FHIT: variants seen among roughly 807,000 people sequenced by gnomAD.
The protein encoded by FHIT is fragile histidine triad diadenosine triphosphatase, also known as bis(5'-adenosyl)-triphosphatase.
A neutral mutation model predicts 17.9 loss-of-function variants in FHIT; 19 were observed. The ratio of observed to expected loss-of-function variants is 1.06; its 90% CI spans 0.74 to 1.56. FHIT has a LOEUF of 1.56. FHIT is among the 40% of genes most tolerant of loss of function. The pLI, the probability that FHIT is intolerant of heterozygous loss-of-function variation, is 0.00. For missense variants in FHIT, 248 were observed against 189.2 expected (o/e 1.31, Z -1.82); for synonymous variants, 81 against 69.7 (o/e 1.16, Z -0.81).
intron 4 of FHIT, among the ~76,000 whole-genome samples, chr3:60,700,361 A>G (rs139041475): frequency 6.6e-6 from 1 of 152,290 alleles, no homozygotes; most frequent in East Asian, 1.9e-4. Flanking sequence ...CAACGGTCTC[A>G]TATCGTTCCA....
At chr3:60,384,384 G>A (rs1700924799) in intron 5 of FHIT, among the ~76,000 whole-genome samples, 1 of 152,052 alleles carries the variant, frequency 6.6e-6, no homozygotes, top group Non-Finnish European at 1.5e-5. Flanking sequence ...AGAATTAAGT[G>A]GCAGCCTAAT....
rs542188111 is a variant in FHIT at position 61,044,463 on chromosome 3, C to A, written c.-163-2364G>T. 2.7e-4 allele frequency among the ~76,000 whole-genome samples: 41 copies of A among 152,226 alleles called. 1 individual carries two copies. The highest frequency in any genetic ancestry group is 8.5e-4 in the Admixed American group (13 of 15,280). The stretch of plus-strand genomic sequence containing the variant: ...GAGTAAAAAGAGATGAACAAAGCCT[C>A]CAAGTAATACGGGACTATGTGAAAA... On this transcript the variant is annotated intron_variant, in intron 2 of 9. Coordinates refer to ENST00000492590, the MANE Select transcript of FHIT (RefSeq NM_002012.4).
intron 3 of FHIT, among the ~76,000 whole-genome samples, chr3:61,029,665 A>G (rs1186330897): frequency 6.6e-6 from 1 of 152,238 alleles, no homozygotes; most frequent in Non-Finnish European, 1.5e-5. Flanking sequence ...CAACCAAATT[A>G]GAGAGAAAAG....
chr3:60,729,878 T>A (rs542918815), intron 4 of FHIT, among the ~76,000 whole-genome samples: 5 of 152,296 alleles, frequency 3.3e-5, no homozygotes, highest in African/African-American at 9.6e-5. Context: ...ATTTTCACTA[T>A]GACTTTCCTA....
chr3:60,637,577 T>C (rs923403710), intron 4 of FHIT, among the ~76,000 whole-genome samples: 6 of 152,220 alleles, frequency 3.9e-5, no homozygotes, highest in Non-Finnish European at 8.8e-5. Flanking sequence ...ATTGTCACCA[T>C]CATTATTCCT....
intron 5 of FHIT, among the ~76,000 whole-genome samples, chr3:60,390,396 T>TAAAAAAAAAA (rs869078939): frequency 1.6e-4 from 5 of 32,030 alleles, no homozygotes; most frequent in Non-Finnish European, 2.3e-4. Flanking sequence ...GTAATGGAGC[T>TAAAAAAAAAA]AAAAAAAAAA....
chr3:60,200,509 A>C (rs1377538091), intron 5 of FHIT, among the ~76,000 whole-genome samples: 2 of 152,154 alleles, frequency 1.3e-5, no homozygotes, highest in East Asian at 3.8e-4. Context: ...AATTTTGTAT[A>C]AAATGGGAAA....
At chr3:59,838,454 G>A (rs906315832) in intron 8 of FHIT, among the ~76,000 whole-genome samples, 2 of 152,046 alleles carry the variant, frequency 1.3e-5, no homozygotes, top group Admixed American at 6.6e-5. Context: ...TTGGAATGTC[G>A]TTCCTAGCCT....
intron 5 of FHIT, among the ~76,000 whole-genome samples, chr3:60,505,585 C>A (rs1205751221): frequency 6.6e-6 from 1 of 152,112 alleles, no homozygotes. Context: ...CCTTTGCTTC[C>A]CATCTGGAGG....
intron 4 of FHIT, among the ~76,000 whole-genome samples, chr3:60,558,869 C>T (rs1361629460): frequency 6.6e-6 from 1 of 152,184 alleles, no homozygotes; most frequent in East Asian, 1.9e-4. Context: ...ACTAATGACC[C>T]AGGGAAACTT....
At chr3:60,463,151 A>G (rs573468421) in intron 5 of FHIT, among the ~76,000 whole-genome samples, 2 of 152,352 alleles carry the variant, frequency 1.3e-5, no homozygotes, top group African/African-American at 4.8e-5. Context: ...GCAGAAGGCA[A>G]CAGATATATC....
At chr3:60,149,354 T>C (rs1456554939) in intron 5 of FHIT, among the ~76,000 whole-genome samples, 1 of 147,690 alleles carries the variant, frequency 6.8e-6, no homozygotes, top group South Asian at 2.2e-4. Flanking sequence ...TTTTTTTTTT[T>C]CAGGATCAAT....
Position 60,215,447 on chromosome 3 carries a change from C to T in FHIT, c.104-201295G>A, listed in dbSNP as rs775238937. On this transcript the variant is annotated intron_variant, in intron 5 of 9. Coordinates refer to ENST00000492590, the MANE Select transcript of FHIT (RefSeq NM_002012.4). ...TGAGCAGAGATCACGCCTGTAATCC[C>T]AGCTACTAGGGAGGCTAAGGCAGGA... Among the ~76,000 whole-genome samples the T allele has an allele frequency of 3.9e-4, 59 of 152,094 alleles. 2 individuals are homozygous for T. The highest frequency in any genetic ancestry group is 7.3e-5 in the Non-Finnish European group (5 of 68,034).
chr3:60,421,951 G>C (rs1300335428), intron 5 of FHIT, among the ~76,000 whole-genome samples: 1 of 152,136 alleles, frequency 6.6e-6, no homozygotes, highest in East Asian at 1.9e-4. Flanking sequence ...CCTGCAGCAA[G>C]GTTGTAGAGG....
At chr3:61,086,494 C>A (rs551956036) in intron 2 of FHIT, among the ~76,000 whole-genome samples, 83 of 152,288 alleles carry the variant, frequency 5.5e-4, no homozygotes, top group Non-Finnish European at 9.4e-4. Flanking sequence ...CCTCCAAAAT[C>A]TCTTCCCCAT....
At chr3:59,801,461 G>A (rs925904886) in intron 8 of FHIT, among the ~76,000 whole-genome samples, 1 of 152,092 alleles carries the variant, frequency 6.6e-6, no homozygotes, top group Non-Finnish European at 1.5e-5. Flanking sequence ...TGATGAGAAC[G>A]TAGATGATTG....
intron 3 of FHIT, among the ~76,000 whole-genome samples, chr3:60,962,901 G>T (rs1709533388): frequency 6.6e-6 from 1 of 152,206 alleles, no homozygotes; most frequent in Non-Finnish European, 1.5e-5. Context: ...TTATTTGGTT[G>T]TCTCACTGCC....
chr3:60,633,461 C>T (rs1445351417), intron 4 of FHIT, among the ~76,000 whole-genome samples: 3 of 152,160 alleles, frequency 2.0e-5, no homozygotes, highest in East Asian at 1.9e-4. Flanking sequence ...AAGTATAAAG[C>T]GGTAATCTGT....
chr3:59,946,659 CATT>C (rs1442759088), intron 7 of FHIT, among the ~76,000 whole-genome samples: 1 of 151,960 alleles, frequency 6.6e-6, no homozygotes, highest in African/African-American at 2.4e-5. Context: ...ATGGATTTGT[CATT>C]ATTATTTTGA....
Sources: allele counts gnomAD v4.1 joint callset (sites outside exome capture counted in the v4.1 genomes callset), GRCh38; gene constraint gnomAD v4.1.1; transcripts MANE v1.5; gene names NCBI Gene and HGNC (gene_info 2026-07-23, HGNC 2026-07-21).